The following LAMA4 variants were observed in gnomAD, a reference collection of about 807,000 sequenced individuals.
LAMA4 encodes the protein laminin subunit alpha 4, also known as laminin subunit alpha-4.
A neutral mutation model predicts 207.1 loss-of-function variants in LAMA4; 127 were observed. That is an observed-to-expected ratio of 0.61 (90% CI 0.53 to 0.71). The LOEUF (loss-of-function observed/expected upper bound fraction) is 0.71, where lower values mean the gene tolerates loss of function less well. Among genes scored for constraint, LAMA4 ranks in the 30% least tolerant of loss-of-function variants. The probability of loss-of-function intolerance (pLI) is 0.00; values close to 1 mark genes in which losing one functional copy is unlikely to be tolerated. For missense variants in LAMA4, 2,093 were observed against 2,246.5 expected (o/e 0.93, Z 1.38); for synonymous variants, 761 against 816.0 (o/e 0.93, Z 1.15).
At chr6:112,188,988 G>T (rs1554347581) in intron 7 of LAMA4, 122 bp downstream of exon 7, 1 of 737,798 alleles carries the variant, frequency 1.4e-6, no homozygotes, top group Non-Finnish European at 2.4e-6. Context: ...TGCAGAAAGG[G>T]TTAAGTCCAG....
intron 2 of LAMA4, among the ~76,000 whole-genome samples, chr6:112,245,602 A>C (rs1786854660): frequency 6.6e-6 from 1 of 152,190 alleles, no homozygotes; most frequent in South Asian, 2.1e-4. Flanking sequence ...ATTAATATGC[A>C]AAGTCTTCAT....
At chr6:112,141,291 C>A in intron 21 of LAMA4, 67 bp downstream of exon 21, 1 of 1,380,880 alleles carries the variant, frequency 7.2e-7, no homozygotes, top group Non-Finnish European at 1.0e-6. Flanking sequence ...TGTGCACGCA[C>A]ATGTGCACGT....
chr6:112,239,101 A>T, intron 2 of LAMA4, among the ~76,000 whole-genome samples: 1 of 152,156 alleles, frequency 6.6e-6, no homozygotes, highest in East Asian at 1.9e-4. Context: ...CAGGTGGATC[A>T]CTTGAGGTCA....
At chr6:112,125,937 CTATT>C (rs1778662444) in intron 31 of LAMA4, among the ~76,000 whole-genome samples, 2 of 152,214 alleles carry the variant, frequency 1.3e-5, no homozygotes, top group Non-Finnish European at 2.9e-5. Context: ...TTCTTGGTAG[CTATT>C]TATGAAGCTG....
rs371370857 is a variant in LAMA4 at position 112,114,148 on chromosome 6, T to C, written c.5254A>G (p.Asn1752Asp). The change falls in exon 38 of 39, where the codon AAC (asparagine) becomes GAC (aspartate). Residue 1752 changes from asparagine to aspartate, a missense_variant. Coordinates refer to ENST00000230538, the MANE Select transcript of LAMA4 (RefSeq NM_001105206.3). Reference sequence around the variant, plus strand: ...GGATTCAGGGGTCCAACCACATGGTTCACTTCAGAGTCCACATCCAACTGA... The same window carrying C: ...GGATTCAGGGGTCCAACCACATGGTCCACTTCAGAGTCCACATCCAACTGA... The part of the protein sequence containing the change: ...VVQLDVDSEV[N>D]HVVGPLNPKP... 9.9e-6 allele frequency: 16 copies of C among 1,613,790 alleles called. No individual in the cohort carries two copies. Among genetic ancestry groups the C allele is most frequent in the Non-Finnish European group, 1.3e-5 (15 of 1,179,802 alleles).
intron 36 of LAMA4, 52 bp downstream of exon 36, chr6:112,115,811 C>G: frequency 6.4e-7 from 1 of 1,565,426 alleles, no homozygotes; most frequent in South Asian, 1.1e-5. Context: ...TGCTTCAGAT[C>G]TAGAATCCAA....
rs76069277 is a variant in LAMA4, at chr6:112,126,254, C to T, written c.4287+2668G>A. Among the ~76,000 whole-genome samples, 794 of 152,172 alleles carry T rather than the reference C, an allele frequency of 5.2e-3. 9 individuals carry two copies. The highest frequency in any genetic ancestry group is 0.019 in the African/African-American group (769 of 41,522). On this transcript the variant is annotated intron_variant, in intron 31 of 38. Transcript: ENST00000230538. ...GTGTTTGCTTGAGAAGGTTGATGTC[C>T]CTCATCAGCCTGTAATGTTAATCTG...
At position 112,237,607 on chromosome 6, in the gene LAMA4, G is replaced by C. The variant is rs530141438; in HGVS notation, c.195+16349C>G. ...GCATTTCCATGGAGCCTCAGTCTGA[G>C]AGCCACTGATTTAGTAGGTTTTATG... On this transcript the variant is annotated intron_variant, in intron 2 of 38. Coordinates refer to ENST00000230538, the MANE Select transcript of LAMA4 (RefSeq NM_001105206.3). Among the ~76,000 whole-genome samples, 36 of 152,332 alleles carry C rather than the reference G, an allele frequency of 2.4e-4. No individual in the cohort carries two copies. In the South Asian group the frequency reaches 6.9e-3, roughly 29 times the overall value.
chr6:112,172,751 A>G lies in LAMA4; in HGVS notation c.1411T>C (p.Phe471Leu), dbSNP rs782067046. ...TCCAGCTGCTCCAGGACGACAGGAAACAGAGTGCGGGTCTCATTGTGCAGC... is the reference window on the plus strand; with the variant it reads ...TCCAGCTGCTCCAGGACGACAGGAAGCAGAGTGCGGGTCTCATTGTGCAGC... ...QRLHNETRTLFPVVLEQLDDY... is the reference protein window; with the variant it reads ...QRLHNETRTLLPVVLEQLDDY... The change falls in exon 12 of 39, where the codon TTT (phenylalanine) becomes CTT (leucine). Residue 471 changes from phenylalanine to leucine, a missense_variant. Phe to Leu is a conservative substitution (Grantham distance 22). Around this residue, in one of 3 missense-constraint regions of LAMA4, gnomAD observed 1,704 missense variants for 1,788.4 expected, o/e 0.95. Coordinates refer to ENST00000230538, the MANE Select transcript of LAMA4 (RefSeq NM_001105206.3). 30 of 1,613,998 alleles carry G rather than the reference A, an allele frequency of 1.9e-5. No homozygotes were observed. Among genetic ancestry groups the G allele is most frequent in the Admixed American group, 5.0e-5 (3 of 60,002 alleles).
chr6:112,150,418 T>G, intron 17 of LAMA4, 93 bp downstream of exon 17: 2 of 839,832 alleles, frequency 2.4e-6, no homozygotes, highest in Non-Finnish European at 4.1e-6. Flanking sequence ...ATAAAATCAT[T>G]GACAAACAAA....
At chr6:112,238,858 G>A (rs1786141504) in intron 2 of LAMA4, among the ~76,000 whole-genome samples, 2 of 152,150 alleles carry the variant, frequency 1.3e-5, no homozygotes, top group African/African-American at 4.8e-5. Flanking sequence ...TTTCTTTTGT[G>A]GTTATAAATT....
At chr6:112,170,519 G>A (rs1781651509) in intron 12 of LAMA4, among the ~76,000 whole-genome samples, 1 of 152,166 alleles carries the variant, frequency 6.6e-6, no homozygotes, top group Non-Finnish European at 1.5e-5. Context: ...AATCTTTCAG[G>A]ATGAGAAGAA....
At chr6:112,178,928 T>A (rs1448920432) in intron 9 of LAMA4, 2 of 152,348 alleles carry the variant, frequency 1.3e-5, no homozygotes, top group Non-Finnish European at 2.9e-5. Context: ...GTTGAAAAAA[T>A]AGGCAGACCT....
Position 112,157,835 on chromosome 6 carries a change from C to T in LAMA4, c.1817+897G>A, listed in dbSNP as rs1353292695. The T allele has an allele frequency of 3.3e-5, 5 of 152,164 alleles. No individual in the cohort carries two copies. In the East Asian group the frequency reaches 7.7e-4, roughly 23 times the overall value. The allele number at this position is 152,164 out of a possible 1,614,324, so 9.4% of individuals were successfully genotyped here. On this transcript the variant is annotated intron_variant, in intron 14 of 38. Coordinates refer to ENST00000230538, the MANE Select transcript of LAMA4 (RefSeq NM_001105206.3). ...GCTCATGTTTCTAGGGCCATGATAC[C>T]GAGTGGGATATGGCACTGTCTCACC...
Position 112,148,337 on chromosome 6 carries a change from CT to C in LAMA4, c.2174-2del, listed in dbSNP as rs1780162072. ...TGCCCCAGGCGCTGCTGGGCATCCC[CT>C]TTACACAGAGCACAGGGTCATTCAC... On this transcript the variant is annotated splice_acceptor_variant, in intron 17 of 38. Coordinates refer to ENST00000230538, the MANE Select transcript of LAMA4 (RefSeq NM_001105206.3). LOFTEE classifies it high-confidence loss of function. 6.2e-7 allele frequency: 1 copy of C among 1,614,034 alleles called. No homozygotes were observed. Among genetic ancestry groups the C allele is most frequent in the Admixed American group, 1.7e-5 (1 of 60,006 alleles).
intron 6 of LAMA4, among the ~76,000 whole-genome samples, chr6:112,190,934 T>TC (rs1491506479): frequency 0.04 from 2,421 of 60,926 alleles, 26 homozygotes; most frequent in African/African-American, 0.075. Context: ...TTTCTTTCTT[T>TC]CTTTCTTTCT....
At chr6:112,239,287 C>T (rs1786186155) in intron 2 of LAMA4, among the ~76,000 whole-genome samples, 1 of 143,396 alleles carries the variant, frequency 7.0e-6, no homozygotes, top group Non-Finnish European at 1.5e-5. Context: ...TGTGCTACTG[C>T]ACTCCAGCCA....
chr6:112,191,507 T>G (rs1035679924), intron 6 of LAMA4, 129 bp downstream of exon 6: 7 of 723,036 alleles, frequency 9.7e-6, no homozygotes, highest in Non-Finnish European at 1.5e-5. Flanking sequence ...CCTGAGAATG[T>G]ACATTGCCCT....
At chr6:112,141,203 G>A (rs1779671112) in intron 21 of LAMA4, among the ~76,000 whole-genome samples, 155 bp downstream of exon 21, 1 of 151,992 alleles carries the variant, frequency 6.6e-6, no homozygotes, top group Admixed American at 6.6e-5. Context: ...AAGAATAATG[G>A]AAGAAAACGG....
Sources: allele counts gnomAD v4.1 joint callset (sites outside exome capture counted in the v4.1 genomes callset), GRCh38; gene constraint gnomAD v4.1.1; regional missense constraint gnomAD v4.1.1; transcripts MANE v1.5; gene names NCBI Gene and HGNC (gene_info 2026-07-23, HGNC 2026-07-21).